The following ARPC2 variants were observed in gnomAD, a reference collection of about 807,000 sequenced individuals.
ARPC2 encodes actin related protein 2/3 complex subunit 2, also known as actin-related protein 2/3 complex subunit 2.
A neutral mutation model predicts 38.6 loss-of-function variants in ARPC2; 4 were observed. The ratio of observed to expected loss-of-function variants is 0.10; its 90% CI spans 0.05 to 0.24. The LOEUF is 0.24. Ranked by LOEUF, ARPC2 falls within the 10% of genes least tolerant of loss-of-function variation. The pLI, the probability that ARPC2 is intolerant of heterozygous loss-of-function variation, is 1.00. For synonymous variants in ARPC2, 125 were observed against 140.8 expected (o/e 0.89, Z 0.79); for missense variants, 229 against 387.3 (o/e 0.59, Z 3.43).
At chr2:218,240,213 A>G (rs1689880758) in intron 7 of ARPC2, among the ~76,000 whole-genome samples, 1 of 152,106 alleles carries the variant, frequency 6.6e-6, no homozygotes, top group Non-Finnish European at 1.5e-5. Context: ...TCAGCCTCCC[A>G]AAGTGCTGGG....
At chr2:218,245,650 C>CGCAG in intron 8 of ARPC2, 104 bp downstream of exon 8, 1 of 1,468,552 alleles carries the variant, frequency 6.8e-7, no homozygotes, top group Non-Finnish European at 9.2e-7. Flanking sequence ...GGTAGGCAAA[C>CGCAG]GCAGGCATAC....
At chr2:218,233,781 C>G (rs1418025421) in intron 4 of ARPC2, 1 of 152,096 alleles carries the variant, frequency 6.6e-6, no homozygotes, top group African/African-American at 2.4e-5. Flanking sequence ...CTCTTGAAAA[C>G]AAAACATGAT....
Position 218,249,514 on chromosome 2 carries a change from C to T in ARPC2, c.777+50C>T, listed in dbSNP as rs774243217. ...CCTCTATGCTCTGGGTCTTTTCCTCCACCAGAACTCCTGACAGAAAGTCAT... is the reference window on the plus strand; with the variant it reads ...CCTCTATGCTCTGGGTCTTTTCCTCTACCAGAACTCCTGACAGAAAGTCAT... On this transcript the variant is annotated intron_variant, in intron 9 of 10. Coordinates refer to ENST00000315717, the MANE Select transcript of ARPC2 (RefSeq NM_152862.3). 2.2e-6 allele frequency: 3 copies of T among 1,376,330 alleles called. No individual in the cohort carries two copies. In the East Asian group the frequency reaches 6.9e-5, roughly 32 times the overall value. 85.3% of individuals were successfully genotyped at this position (1,376,330 alleles called of 1,614,324 possible).
chr2:218,253,744 C>T (rs1690249665), intron 10 of ARPC2, 147 bp from the exon 11 acceptor site: 1 of 976,164 alleles, frequency 1.0e-6, no homozygotes, highest in Non-Finnish European at 1.5e-6. Context: ...AGCCGATGTC[C>T]TGTGGTTCCA....
At chr2:218,247,165 A>G (rs1355279917) in intron 8 of ARPC2, among the ~76,000 whole-genome samples, 2 of 152,218 alleles carry the variant, frequency 1.3e-5, no homozygotes, top group African/African-American at 4.8e-5. Context: ...CTAAGCAGCT[A>G]GATGGGGGTT....
Position 218,253,965 on chromosome 2 carries a change from T to TG in ARPC2, c.*51dup. ...GCTGGCAACTGAAGGCTGGAACACT[T>TG]GCTACTGGATAATCGTAGCTTTTAA... On this transcript the variant is annotated 3_prime_UTR_variant, in exon 11 of 11. Coordinates refer to ENST00000315717, the MANE Select transcript of ARPC2 (RefSeq NM_152862.3). The TG allele has an allele frequency of 6.2e-7, 1 of 1,608,496 alleles. No homozygotes were observed. Among genetic ancestry groups the TG allele is most frequent in the Non-Finnish European group, 8.5e-7 (1 of 1,175,198 alleles).
chr2:218,239,256 A>G, intron 6 of ARPC2, 135 bp from the exon 7 acceptor site: 1 of 644,518 alleles, frequency 1.6e-6, no homozygotes, highest in East Asian at 2.8e-5. Context: ...CATAAATATC[A>G]TCTCATTTGG....
In ARPC2 at chr2:218,226,009, A is replaced by C. The variant is rs1317607061; in HGVS notation, c.109+55A>C. ...AGAAGGTACAATATGAAAAATAGGA[A>C]ATAGGCTGGGTGCAGTGGCACATGC... On this transcript the variant is annotated intron_variant, in intron 3 of 10. Coordinates refer to ENST00000315717, the MANE Select transcript of ARPC2 (RefSeq NM_152862.3). 4 of 1,587,036 alleles carry C rather than the reference A, an allele frequency of 2.5e-6. No individual in the cohort carries two copies. In the African/African-American group the frequency reaches 5.4e-5, roughly 21 times the overall value.
chr2:218,240,692 C>G (rs144290381), intron 7 of ARPC2, among the ~76,000 whole-genome samples: 18 of 151,772 alleles, frequency 1.2e-4, no homozygotes, highest in African/African-American at 4.3e-4. Context: ...GAGGTCAAGA[C>G]CATCCTGGCC....
intron 2 of ARPC2, among the ~76,000 whole-genome samples, chr2:218,221,367 C>T (rs1405410289): frequency 6.6e-6 from 1 of 152,192 alleles, no homozygotes; most frequent in Non-Finnish European, 1.5e-5. Flanking sequence ...TGCATATGTC[C>T]TCAGAGAGAC....
chr2:218,217,686 G>A (rs923083500), intron 2 of ARPC2, 142 bp downstream of exon 2: 29 of 899,772 alleles, frequency 3.2e-5, no homozygotes, highest in Non-Finnish European at 4.6e-5. Flanking sequence ...CGGGGTAGAC[G>A]TGGGAGGCGA....
intron 7 of ARPC2, among the ~76,000 whole-genome samples, chr2:218,241,793 T>C (rs1689922444): frequency 6.6e-6 from 1 of 152,226 alleles, no homozygotes. Context: ...ACTAACAGGA[T>C]CTCTGGATAG....
chr2:218,251,550 C>A (rs973707589), intron 10 of ARPC2, among the ~76,000 whole-genome samples: 1 of 151,476 alleles, frequency 6.6e-6, no homozygotes, highest in Non-Finnish European at 1.5e-5. Context: ...ACCTCCTGGG[C>A]TCAAGCAATC....
chr2:218,253,110 G>T, intron 10 of ARPC2: 2 of 391,620 alleles, frequency 5.1e-6, no homozygotes, highest in Non-Finnish European at 1.0e-5. Context: ...GAACACTCAG[G>T]AGCTTTTCAT....
Position 218,245,531 on chromosome 2 carries a change from G to A in ARPC2, c.661G>A (p.Gly221Ser), listed in dbSNP as rs1690011332. 3.1e-6 allele frequency: 5 copies of A among 1,614,020 alleles called. No homozygotes were observed. The highest frequency in any genetic ancestry group is 8.5e-7 in the Non-Finnish European group (1 of 1,180,018). ...AGACGCCGCTGTGGGTGACAACATT[G>A]GCTACATTACCTTTGGTGAGCAGGG... ...DTDAAVGDNI[G>S]YITFVLFPRH... The change falls in exon 8 of 11, where the codon GGC becomes AGC. Residue 221 changes from glycine (G) to serine (S), a missense_variant. Physicochemically the swap from Gly to Ser is moderately conservative, Grantham distance 56. Transcript: ENST00000315717.
chr2:218,236,886 T>G (rs1057480920), intron 5 of ARPC2, among the ~76,000 whole-genome samples: 1 of 152,148 alleles, frequency 6.6e-6, no homozygotes, highest in African/African-American at 2.4e-5. Flanking sequence ...AGCCATACAG[T>G]TCTGGTGAAG....
chr2:218,249,250 C>G (rs1690121858), intron 8 of ARPC2, 114 bp from the exon 9 acceptor site: 2 of 695,944 alleles, frequency 2.9e-6, no homozygotes, highest in African/African-American at 3.7e-5. Flanking sequence ...AATACTGACA[C>G]AAGTGGAGTG....
At chr2:218,218,079 G>A (rs1430473261) in intron 2 of ARPC2, among the ~76,000 whole-genome samples, 1 of 152,184 alleles carries the variant, frequency 6.6e-6, no homozygotes, top group East Asian at 1.9e-4. Context: ...CCCAGTCTTA[G>A]AGCCGGAAAA....
At position 218,234,407 on chromosome 2, in the gene ARPC2, C is replaced by T; in HGVS notation, c.268+10C>T. On this transcript the variant is annotated intron_variant, in intron 5 of 10. Coordinates refer to ENST00000315717, the MANE Select transcript of ARPC2 (RefSeq NM_152862.3). The stretch of plus-strand genomic sequence containing the variant: ...GTAAATCCAGAATCAGGTATGTAGT[C>T]ATGTGAGCAACTATGGAATGACATG... The T allele has an allele frequency of 6.3e-7, 1 of 1,590,538 alleles. No individual in the cohort carries two copies. The highest frequency in any genetic ancestry group is 8.6e-7 in the Non-Finnish European group (1 of 1,161,766).
Sources: gnomAD v4.1 joint callset for allele counts (sites outside exome capture counted in the v4.1 genomes callset) on GRCh38, gnomAD v4.1.1 for gene constraint, MANE v1.5 for transcripts, NCBI Gene and HGNC (gene_info 2026-07-23, HGNC 2026-07-21) for gene names.